Variants in FREM2 observed in about 807,000 individuals in gnomAD.
FREM2 encodes FRAS1-related extracellular matrix protein 2.
A neutral mutation model predicts 219.9 loss-of-function variants in FREM2; 119 were observed. The ratio of observed to expected loss-of-function variants is 0.54; its 90% CI spans 0.47 to 0.63. The LOEUF is 0.63. Ranked by LOEUF, FREM2 falls within the 30% of genes least tolerant of loss-of-function variation. The pLI, the probability that FREM2 is intolerant of heterozygous loss-of-function variation, is 0.00. For missense variants in FREM2, 4,030 were observed against 3,993.6 expected (o/e 1.01, Z -0.25); for synonymous variants, 1,562 against 1,522.8 (o/e 1.03, Z -0.60).
intron 12 of FREM2, 118 bp from the exon 13 acceptor site, chr13:38,857,757 C>A (rs1664459670): frequency 1.2e-6 from 1 of 860,348 alleles, no homozygotes; most frequent in Non-Finnish European, 1.9e-6. Context: ...CTGAGTATGA[C>A]AATTTGCATC....
chr13:38,865,984 C>A (rs1877947906), intron 16 of FREM2, among the ~76,000 whole-genome samples: 1 of 152,146 alleles, frequency 6.6e-6, no homozygotes, highest in African/African-American at 2.4e-5. Context: ...AATAAAGGCT[C>A]ATATTAACAA....
Position 38,821,014 on chromosome 13 carries a change from A to C in FREM2, c.6020-25559A>C, listed in dbSNP as rs528129473. Among the ~76,000 whole-genome samples the C allele has an allele frequency of 5.3e-5, 8 of 152,296 alleles. No homozygotes were observed. In the South Asian group the frequency reaches 1.5e-3, roughly 28 times the overall value. On this transcript the variant is annotated intron_variant, in intron 6 of 23. Transcript: ENST00000280481. ...ACTATTTTCTGACATTGGTGGATAT[A>C]CCAGTGGTCACTGTAGAGATGTGAA...
chr13:38,814,079 T>C (rs1232381731), intron 6 of FREM2, among the ~76,000 whole-genome samples: 1 of 152,212 alleles, frequency 6.6e-6, no homozygotes, highest in African/African-American at 2.4e-5. Context: ...TAAATTTATC[T>C]GATATTCTGA....
At chr13:38,868,552 A>G (rs1878050969) in intron 16 of FREM2, among the ~76,000 whole-genome samples, 1 of 152,224 alleles carries the variant, frequency 6.6e-6, no homozygotes, top group South Asian at 2.1e-4. Context: ...TCATGGATGC[A>G]ATTGCAAGAA....
At chr13:38,826,262 A>G (rs1490779807) in intron 6 of FREM2, among the ~76,000 whole-genome samples, 3 of 152,140 alleles carry the variant, frequency 2.0e-5, no homozygotes, top group Non-Finnish European at 2.9e-5. Flanking sequence ...ATCTGACTTC[A>G]CGTAGATCAA....
intron 16 of FREM2, among the ~76,000 whole-genome samples, chr13:38,868,512 A>C (rs1878049554): frequency 6.6e-6 from 1 of 152,212 alleles, no homozygotes; most frequent in South Asian, 2.1e-4. Flanking sequence ...CATTAAATTG[A>C]ATGTGAGTGA....
chr13:38,764,965 C>G (rs1873376801), intron 3 of FREM2, among the ~76,000 whole-genome samples: 1 of 152,176 alleles, frequency 6.6e-6, no homozygotes, highest in African/African-American at 2.4e-5. Context: ...GGTTGGAGTG[C>G]AGTGGCGTGA....
In FREM2 at chr13:38,722,589, T is replaced by C. The variant is rs906456991; in HGVS notation, c.5263+24802T>C. Among the ~76,000 whole-genome samples the C allele has an allele frequency of 9.2e-5, 14 of 152,114 alleles. No individual in the cohort carries two copies. The East Asian group carries it at 2.3e-3, about 25-fold the overall frequency. On this transcript the variant is annotated intron_variant, in intron 2 of 23. Transcript: ENST00000280481. ...CCTGGAGGGTGTCTTCTAACACAGA[T>C]TGAGGGGCCCCACCCCAGAGTGTCT...
intron 4 of FREM2, among the ~76,000 whole-genome samples, chr13:38,780,697 T>A (rs1874085332): frequency 6.6e-6 from 1 of 152,176 alleles, no homozygotes; most frequent in Admixed American, 6.5e-5. Flanking sequence ...CAAAGACAAC[T>A]TTTTTGGCAA....
chr13:38,732,427 A>C (rs770964580), intron 2 of FREM2, among the ~76,000 whole-genome samples: 5 of 152,116 alleles, frequency 3.3e-5, no homozygotes, highest in Non-Finnish European at 7.3e-5. Flanking sequence ...TTTACTTAAT[A>C]AACTACTTTA....
intron 2 of FREM2, among the ~76,000 whole-genome samples, chr13:38,703,124 A>T (rs1455732935): frequency 6.6e-6 from 1 of 152,176 alleles, no homozygotes; most frequent in Non-Finnish European, 1.5e-5. Flanking sequence ...CATTTTTAAT[A>T]GAAGGAGTAC....
chr13:38,749,913 G>T (rs1353165383), intron 2 of FREM2, among the ~76,000 whole-genome samples: 1 of 152,040 alleles, frequency 6.6e-6, no homozygotes, highest in Non-Finnish European at 1.5e-5. Context: ...ATTCAAAAAT[G>T]CCACCTGCAT....
At chr13:38,807,263 C>T (rs1875284588) in intron 6 of FREM2, among the ~76,000 whole-genome samples, 1 of 102,660 alleles carries the variant, frequency 9.7e-6, no homozygotes, top group African/African-American at 3.2e-5. Flanking sequence ...TTTGCAGAGA[C>T]AAGATCTCAC....
intron 6 of FREM2, among the ~76,000 whole-genome samples, chr13:38,795,554 A>T (rs1874737343): frequency 6.6e-6 from 1 of 152,160 alleles, no homozygotes; most frequent in Non-Finnish European, 1.5e-5. Context: ...GAGGATATTC[A>T]TCACCTTGAA....
intron 2 of FREM2, among the ~76,000 whole-genome samples, chr13:38,718,217 C>G (rs918633135): frequency 6.6e-6 from 1 of 152,060 alleles, no homozygotes; most frequent in South Asian, 2.1e-4. Context: ...GTATGACTAC[C>G]TTCTATAACT....
Position 38,692,523 on chromosome 13 carries a change from T to C in FREM2, c.5173+6T>C. 6.2e-7 allele frequency: 1 copy of C among 1,607,730 alleles called. No homozygotes were observed. On this transcript the variant is annotated splice_donor_region_variant and intron_variant, in intron 1 of 23. Transcript: ENST00000280481. ...CATCACTCAGTTCACACAAGGTATGTTTCATGTTTCTTTTCTTGGTTATCC... is the reference window on the plus strand; with the variant it reads ...CATCACTCAGTTCACACAAGGTATGCTTCATGTTTCTTTTCTTGGTTATCC...
At chr13:38,767,802 CT>C (rs1174504812) in intron 3 of FREM2, among the ~76,000 whole-genome samples, 6 of 152,082 alleles carry the variant, frequency 3.9e-5, no homozygotes, top group African/African-American at 1.4e-4. Flanking sequence ...GTTCTGTGCC[CT>C]TTTTTCTCTT....
chr13:38,737,219 G>A (rs1275702250), intron 2 of FREM2, among the ~76,000 whole-genome samples: 1 of 152,114 alleles, frequency 6.6e-6, no homozygotes, highest in Admixed American at 6.5e-5. Context: ...AAATTTTCAA[G>A]GTTTGTTGAA....
In FREM2 at chr13:38,859,579, G is replaced by A; in HGVS notation, c.7508G>A (p.Ser2503Asn). The A allele has an allele frequency of 1.2e-6, 2 of 1,613,834 alleles. No individual in the cohort carries two copies. Among genetic ancestry groups the A allele is most frequent in the Non-Finnish European group, 1.7e-6 (2 of 1,179,966 alleles). ...LELMSPIVTI[S>N]REEGLCQPRV... ...CTCATGAGCCCTATTGTAACCATCA[G>A]CAGAGAAGAAGGTCAGTCATTGCCA... Residue 2503 changes from serine (S) to asparagine (N), a missense_variant, in exon 14 of 24, where the codon AGC becomes AAC. Physicochemically the swap from Ser to Asn is conservative, Grantham distance 46. Coordinates refer to ENST00000280481, the MANE Select transcript of FREM2 (RefSeq NM_207361.6).
Sources: allele counts gnomAD v4.1 joint callset (sites outside exome capture counted in the v4.1 genomes callset), GRCh38; gene constraint gnomAD v4.1.1; transcripts MANE v1.5; gene names NCBI Gene and HGNC (gene_info 2026-07-23, HGNC 2026-07-21).